Variants in SUGCT observed in about 807,000 individuals in gnomAD.
SUGCT encodes the protein succinyl-CoA:glutarate CoA-transferase.
SUGCT carries 41 observed loss-of-function variants against 55.0 expected under a neutral mutation model. The observed-to-expected ratio is 0.74, with a 90% CI of 0.58 to 0.97. The LOEUF (loss-of-function observed/expected upper bound fraction) is 0.97. Ranked by LOEUF, SUGCT falls within the 50% of genes least tolerant of loss-of-function variation. The pLI is 0.00. For missense variants in SUGCT, 568 were observed against 547.8 expected (o/e 1.04, Z -0.37); for synonymous variants, 187 against 200.4 (o/e 0.93, Z 0.56).
chr7:40,461,141 T>C (rs1176041386), intron 11 of SUGCT, among the ~76,000 whole-genome samples: 1 of 152,206 alleles, frequency 6.6e-6, no homozygotes, highest in Admixed American at 6.5e-5. Context: ...CCTGGGAAGA[T>C]TAGAATTAGA....
At chr7:40,776,993 G>T (rs1439554306) in intron 13 of SUGCT, among the ~76,000 whole-genome samples, 1 of 152,196 alleles carries the variant, frequency 6.6e-6, no homozygotes, top group Non-Finnish European at 1.5e-5. Context: ...AAACATTAAT[G>T]CAGTAGAGCG....
intron 9 of SUGCT, among the ~76,000 whole-genome samples, chr7:40,326,399 A>G (rs555648652): frequency 6.6e-6 from 1 of 152,302 alleles, no homozygotes; most frequent in Non-Finnish European, 1.5e-5. Context: ...TTTGTGAATA[A>G]TAGTTTCTAT....
chr7:40,949,691 A>G, the SUGCT span, among the ~76,000 whole-genome samples: 5 of 152,026 alleles, frequency 3.3e-5, no homozygotes, highest in South Asian at 4.2e-4. Context: ...AGTTTTCCCA[A>G]CACCATTTAT....
chr7:40,595,094 CAAAAAATTTA>C (rs1797930785), intron 12 of SUGCT, among the ~76,000 whole-genome samples: 2 of 151,886 alleles, frequency 1.3e-5, no homozygotes, highest in South Asian at 4.2e-4. Flanking sequence ...AGTAAGAAAC[CAAAAAATTTA>C]AAAATTACCC....
chr7:40,921,162 A>G, the SUGCT span, among the ~76,000 whole-genome samples: 1 of 152,188 alleles, frequency 6.6e-6, no homozygotes, highest in African/African-American at 2.4e-5. Flanking sequence ...AAATATTCAT[A>G]TTGTAAGAAT....
chr7:40,666,377 A>AGGAC (rs1006267634), intron 12 of SUGCT, among the ~76,000 whole-genome samples: 1 of 143,786 alleles, frequency 7.0e-6, no homozygotes, highest in African/African-American at 2.6e-5. Flanking sequence ...GAAGGAAGGA[A>AGGAC]GGAAGGAAGG....
chr7:40,343,042 A>G (rs554978965), intron 9 of SUGCT, among the ~76,000 whole-genome samples: 13 of 152,298 alleles, frequency 8.5e-5, no homozygotes, highest in African/African-American at 2.2e-4. Context: ...GAAGGTTTCT[A>G]TGTGAAGTAA....
At chr7:40,828,033 G>A (rs1020707210) in intron 13 of SUGCT, among the ~76,000 whole-genome samples, 1 of 152,192 alleles carries the variant, frequency 6.6e-6, no homozygotes, top group Non-Finnish European at 1.5e-5. Flanking sequence ...TATGTGGAAT[G>A]TGCCCTCTGT....
chr7:40,851,432 G>A lies in SUGCT; in HGVS notation c.1154-8884G>A, dbSNP rs545529543. 4.6e-5 allele frequency among the ~76,000 whole-genome samples: 7 copies of A among 152,302 alleles called. No homozygotes were observed. In the East Asian group the frequency reaches 1.4e-3, roughly 29 times the overall value. The stretch of plus-strand genomic sequence containing the variant: ...CGTTCATTAAATAGTAGTTTTAGAT[G>A]TTATAATATATAATTTAGAAACTGT... On this transcript the variant is annotated intron_variant, in intron 13 of 13. Coordinates refer to ENST00000335693, the MANE Select transcript of SUGCT (RefSeq NM_001193313.2).
chr7:40,420,636 G>GCCAGGAAGAGTGTGTGTTTTAAGGA (rs1478712447), intron 9 of SUGCT, among the ~76,000 whole-genome samples: 2 of 152,160 alleles, frequency 1.3e-5, no homozygotes, highest in Admixed American at 1.3e-4. Context: ...ACCGTGCCTG[G>GCCAGGAAGAGTGTGTGTTTTAAGGA]CCAGGAAGAG....
intron 7 of SUGCT, among the ~76,000 whole-genome samples, chr7:40,267,708 A>G (rs1377986697): frequency 6.6e-6 from 1 of 152,042 alleles, no homozygotes; most frequent in Non-Finnish European, 1.5e-5. Context: ...GTCTTCTTGC[A>G]CCTGGGAATA....
chr7:40,994,108 C>T, the SUGCT span, among the ~76,000 whole-genome samples: 1 of 152,054 alleles, frequency 6.6e-6, no homozygotes, highest in Non-Finnish European at 1.5e-5. Flanking sequence ...TCTATCATGC[C>T]CTCTGTGCAT....
At chr7:40,249,344 T>A (rs868019106) in intron 7 of SUGCT, among the ~76,000 whole-genome samples, 48 of 128,098 alleles carry the variant, frequency 3.7e-4, no homozygotes, top group African/African-American at 1.5e-3. Context: ...TATATATATA[T>A]ATAATTATAT....
chr7:40,961,566 A>G, the SUGCT span, among the ~76,000 whole-genome samples: 1 of 152,226 alleles, frequency 6.6e-6, no homozygotes, highest in Non-Finnish European at 1.5e-5. Flanking sequence ...TTCAAAAGCA[A>G]TTAAAGCCTA....
At chr7:40,831,636 T>C (rs944316402) in intron 13 of SUGCT, among the ~76,000 whole-genome samples, 1 of 152,240 alleles carries the variant, frequency 6.6e-6, no homozygotes, top group Non-Finnish European at 1.5e-5. Flanking sequence ...CCCAGAATTA[T>C]TGAATCTCAT....
At chr7:40,976,605 C>A in the SUGCT span, among the ~76,000 whole-genome samples, 9 of 152,156 alleles carry the variant, frequency 5.9e-5, no homozygotes, top group Non-Finnish European at 1.2e-4. Context: ...CCTACAACCC[C>A]TCCTTCAATT....
chr7:40,188,019 G>T (rs181181826), intron 3 of SUGCT, among the ~76,000 whole-genome samples: 431 of 152,188 alleles, frequency 2.8e-3, no homozygotes, highest in Non-Finnish European at 5.5e-3. Context: ...ACAAAAATTA[G>T]CCGGGCATGT....
chr7:40,889,137 G>A, the SUGCT span, among the ~76,000 whole-genome samples: 3 of 152,256 alleles, frequency 2.0e-5, no homozygotes, highest in South Asian at 6.2e-4. Context: ...GTGCCTTGAA[G>A]TACATCGATG....
At chr7:40,339,280 A>G (rs912692817) in intron 9 of SUGCT, among the ~76,000 whole-genome samples, 2 of 152,198 alleles carry the variant, frequency 1.3e-5, no homozygotes, top group African/African-American at 4.8e-5. Flanking sequence ...AAGCTGTCAG[A>G]CAGGGACATT....
Sources: allele counts gnomAD v4.1 joint callset (sites outside exome capture counted in the v4.1 genomes callset), GRCh38; gene constraint gnomAD v4.1.1; transcripts MANE v1.5; gene names NCBI Gene and HGNC (gene_info 2026-07-23, HGNC 2026-07-21).